ITGA11: variants seen among roughly 807,000 people sequenced by gnomAD.
The protein encoded by ITGA11 is integrin subunit alpha 11.
Under a neutral mutation model 141.9 loss-of-function variants are expected in ITGA11, and 97 were observed. The ratio of observed to expected loss-of-function variants is 0.68; its 90% CI spans 0.58 to 0.81. The LOEUF (loss-of-function observed/expected upper bound fraction) is 0.81, where lower values mean the gene tolerates loss of function less well. ITGA11 is among the 30% of genes least tolerant of loss of function. The pLI, the probability that ITGA11 is intolerant of heterozygous loss-of-function variation, is 0.00. For synonymous variants in ITGA11, 658 were observed against 624.6 expected (o/e 1.05, Z -0.80); for missense variants, 1,387 against 1,559.2 (o/e 0.89, Z 1.86).
At chr15:68,315,588 C>T in intron 22 of ITGA11, 63 bp downstream of exon 22, 2 of 1,377,826 alleles carry the variant, frequency 1.5e-6, no homozygotes, top group Non-Finnish European at 2.0e-6. Context: ...CAGTTGCTAG[C>T]AGCCAGAGAG....
chr15:68,428,787 C>G (rs867908926), intron 1 of ITGA11, among the ~76,000 whole-genome samples: 2 of 152,156 alleles, frequency 1.3e-5, no homozygotes, highest in Non-Finnish European at 2.9e-5. Context: ...ATGGTATGGG[C>G]CTTCTCCTTT....
intron 1 of ITGA11, among the ~76,000 whole-genome samples, chr15:68,417,320 G>C (rs1368760092): frequency 1.3e-5 from 2 of 152,202 alleles, no homozygotes; most frequent in Admixed American, 6.5e-5. Flanking sequence ...CAGAAGCTTG[G>C]AAGTCATTCC....
chr15:68,329,041 G>A (rs1365000912), intron 15 of ITGA11, among the ~76,000 whole-genome samples: 1 of 152,176 alleles, frequency 6.6e-6, no homozygotes, highest in African/African-American at 2.4e-5. Flanking sequence ...TGGCTTAGAG[G>A]TTTCATAGCT....
intron 11 of ITGA11, 49 bp downstream of exon 11, chr15:68,339,451 G>A: frequency 1.3e-6 from 2 of 1,568,138 alleles, no homozygotes; most frequent in African/African-American, 1.4e-5. Flanking sequence ...GCCCCTGGGT[G>A]CCCTCCCGGC....
intron 2 of ITGA11, among the ~76,000 whole-genome samples, chr15:68,401,592 G>A (rs1896512548): frequency 6.6e-6 from 1 of 152,160 alleles, no homozygotes; most frequent in Admixed American, 6.5e-5. Context: ...TTGAGTGAGA[G>A]GTCAGATACA....
At chr15:68,317,405 G>A in intron 20 of ITGA11, 42 bp from the exon 21 acceptor site, 1 of 1,398,260 alleles carries the variant, frequency 7.2e-7, no homozygotes, top group Admixed American at 1.7e-5. Flanking sequence ...GTTAGGTGGG[G>A]CCTGGGACCA....
In ITGA11 at chr15:68,322,269, A is replaced by T. The variant is rs1893837394; in HGVS notation, c.2323-766T>A. On this transcript the variant is annotated intron_variant, in intron 18 of 29. Coordinates refer to ENST00000315757, the MANE Select transcript of ITGA11 (RefSeq NM_001004439.2). This position sits in a 1 kb window ranked among gnomAD's most constrained non-coding sequence, Gnocchi z 5.6. ...ACTGGTAGGAGTCGCCGAATGCCTC[A>T]GGCAGGGAATGTCCTGACAGACCTG... Among the ~76,000 whole-genome samples, 1 of 152,196 alleles carries T rather than the reference A, an allele frequency of 6.6e-6. No individual in the cohort carries two copies. The highest frequency in any genetic ancestry group is 1.5e-5 in the Non-Finnish European group (1 of 68,028).
Position 68,429,057 on chromosome 15 carries a change from A to G in ITGA11, c.52+2958T>C, listed in dbSNP as rs1415217652. On this transcript the variant is annotated intron_variant, in intron 1 of 29. Coordinates refer to ENST00000315757, the MANE Select transcript of ITGA11 (RefSeq NM_001004439.2). ...ATATCTCTGTGTCCTTAGATCCTGA[A>G]TAGTCAATATCTTGAGTGCTACTGC... Among the ~76,000 whole-genome samples, 5 of 152,192 alleles carry G rather than the reference A, an allele frequency of 3.3e-5. No homozygotes were observed. In the East Asian group the frequency reaches 9.6e-4, roughly 29 times the overall value.
rs1417517223 is a variant in ITGA11, at chr15:68,313,176, T to C, written c.2883-313A>G. Among the ~76,000 whole-genome samples the C allele has an allele frequency of 3.9e-5, 6 of 152,134 alleles. No homozygotes were observed. In the East Asian group the frequency reaches 1.2e-3, roughly 29 times the overall value. On this transcript the variant is annotated intron_variant, in intron 23 of 29. Coordinates refer to ENST00000315757, the MANE Select transcript of ITGA11 (RefSeq NM_001004439.2). ...TTTCGGAGTGACCATGCCACTGTGC[T>C]CCCTTCCACCCTCTAGGGATGGCTG...
chr15:68,394,237 C>A (rs1305868975), intron 2 of ITGA11, among the ~76,000 whole-genome samples: 7 of 152,044 alleles, frequency 4.6e-5, no homozygotes, highest in Middle Eastern at 3.2e-3. Flanking sequence ...TGCCAACAAA[C>A]AACTAAGATT....
At position 68,305,909 on chromosome 15, in the gene ITGA11, G is replaced by A. The variant is rs1303251554; in HGVS notation, c.3381+1439C>T. 6.6e-6 allele frequency among the ~76,000 whole-genome samples: 1 copy of A among 152,054 alleles called. No homozygotes were observed. The highest frequency in any genetic ancestry group is 1.5e-5 in the Non-Finnish European group (1 of 68,006). ...TCTAAAAGAGAAATGAGGCATGGCC[G>A]GGCACGGTGGCTCATGCCTGTAATC... On this transcript the variant is annotated intron_variant, in intron 28 of 29. Coordinates refer to ENST00000315757, the MANE Select transcript of ITGA11 (RefSeq NM_001004439.2). The surrounding 1 kb of genome is among the most constrained non-coding windows in gnomAD (Gnocchi z 4.6).
At chr15:68,365,744 T>C (rs1009550886) in intron 3 of ITGA11, among the ~76,000 whole-genome samples, 5 of 151,518 alleles carry the variant, frequency 3.3e-5, no homozygotes, top group African/African-American at 1.2e-4. Context: ...CCTTTTCTTT[T>C]CTTTTTTTTG....
rs759889319 is a variant in ITGA11 at position 68,325,169 on chromosome 15, T to C, written c.2284A>G (p.Met762Val). 4 of 1,613,770 alleles carry C rather than the reference T, an allele frequency of 2.5e-6. No individual in the cohort carries two copies. The highest frequency in any genetic ancestry group is 1.3e-5 in the African/African-American group (1 of 74,966). The change falls in exon 18 of 30, where the codon ATG (methionine) becomes GTG (valine). Residue 762 changes from methionine (M) to valine (V), a missense_variant. Met to Val is a conservative substitution (Grantham distance 21, BLOSUM62 1). Coordinates refer to ENST00000315757, the MANE Select transcript of ITGA11 (RefSeq NM_001004439.2). The surrounding 1 kb of genome is among the most constrained non-coding windows in gnomAD (Gnocchi z 5.5). ...GTGGTGGGCCAGCCGTCGTCCAGCA[T>C]GGGGCCATGGTCAGGGTCCTCCAGG... is the stretch of plus-strand genomic sequence containing the variant. ...YSLEDPDHGP[M>V]LDDGWPTTLR...
At chr15:68,327,585 A>C (rs1187018759) in intron 16 of ITGA11, among the ~76,000 whole-genome samples, 1 of 152,220 alleles carries the variant, frequency 6.6e-6, no homozygotes, top group Non-Finnish European at 1.5e-5. Flanking sequence ...ACCTGGGGCC[A>C]GGGCTGTCAT....
At chr15:68,331,255 T>C (rs958539483) in intron 14 of ITGA11, 144 bp from the exon 15 acceptor site, 3 of 676,392 alleles carry the variant, frequency 4.4e-6, no homozygotes, top group African/African-American at 3.6e-5. Flanking sequence ...CAATCTCCTC[T>C]CTTGGCCTAT....
rs1463833377 is a variant in ITGA11 at position 68,328,337 on chromosome 15, A to T, written c.1902-75T>A. 1 of 1,337,314 alleles carries T rather than the reference A, an allele frequency of 7.5e-7. No individual in the cohort carries two copies. The highest frequency in any genetic ancestry group is 1.0e-6 in the Non-Finnish European group (1 of 975,332). The allele number at this position is 1,337,314 out of a possible 1,614,324, so 82.8% of individuals were successfully genotyped here. On this transcript the variant is annotated intron_variant, in intron 15 of 29. Transcript: ENST00000315757. The surrounding 1 kb of genome is among the most constrained non-coding windows in gnomAD (Gnocchi z 4.8). ...CCTGCTGTGACCATGGGGAAAGACA[A>T]GAACCAGATGCGAGTGGGATCTGCA...
chr15:68,340,266 A>C (rs1396530364), intron 10 of ITGA11, among the ~76,000 whole-genome samples: 1 of 152,026 alleles, frequency 6.6e-6, no homozygotes. Flanking sequence ...TGATCAACGC[A>C]ATCAGGGAAA....
rs1896465762 is a variant in ITGA11, at chr15:68,400,718, ATTATATAATAAATATT to A, written c.164+2184_164+2199del. Among the ~76,000 whole-genome samples, 4 of 22,962 alleles carry A rather than the reference ATTATATAATAAATATT, an allele frequency of 1.7e-4. 2 individuals are homozygous for A. Among genetic ancestry groups the A allele is most frequent in the African/African-American group, 1.1e-3 (4 of 3,526 alleles). The allele number at this position is 22,962 out of a possible 152,430, so 15.1% of individuals were successfully genotyped here. On this transcript the variant is annotated intron_variant, in intron 2 of 29. Coordinates refer to ENST00000315757, the MANE Select transcript of ITGA11 (RefSeq NM_001004439.2). ...ATATATTATATAATAAATATTATATATTATATAATAAATATTATATATTATATAATAAATATTATAA... is the reference window on the plus strand; with the variant it reads ...ATATATTATATAATAAATATTATATAATATATTATATAATAAATATTATAA...
intron 1 of ITGA11, among the ~76,000 whole-genome samples, chr15:68,420,025 C>A (rs918541592): frequency 6.6e-6 from 1 of 152,156 alleles, no homozygotes; most frequent in African/African-American, 2.4e-5. Context: ...GGTTTCATGT[C>A]ATCTCCCAAG....
Sources: gnomAD v4.1 joint callset for allele counts (sites outside exome capture counted in the v4.1 genomes callset) on GRCh38, gnomAD v4.1.1 for gene constraint, Gnocchi (gnomAD v3.1) non-coding constraint, MANE v1.5 for transcripts, NCBI Gene and HGNC (gene_info 2026-07-23, HGNC 2026-07-21) for gene names.